The following ABCD2 variants were observed in gnomAD, a reference collection of about 807,000 sequenced individuals.
The protein encoded by ABCD2 is ATP-binding cassette sub-family D member 2.
ABCD2 carries 36 observed loss-of-function variants against 70.9 expected under a neutral mutation model. That is an observed-to-expected ratio of 0.51 (90% confidence interval 0.39 to 0.67). The LOEUF is 0.67. Ranked by LOEUF, ABCD2 falls within the 30% of genes least tolerant of loss-of-function variation. The probability of loss-of-function intolerance (pLI) is 0.00; values close to 1 mark genes in which losing one functional copy is unlikely to be tolerated. For synonymous variants in ABCD2, 304 were observed against 306.9 expected (o/e 0.99, Z 0.10); for missense variants, 729 against 890.2 (o/e 0.82, Z 2.30).
rs2120505167 is a variant in ABCD2, at chr12:39,551,543, T to C, written c.*2369A>G. Reference sequence around the variant, plus strand: ...AAATACAAGTTCAAATCAGAGATGTTTTCCCTTCCAAGTTAAGGATGTTGG... The same window carrying C: ...AAATACAAGTTCAAATCAGAGATGTCTTCCCTTCCAAGTTAAGGATGTTGG... On this transcript the variant is annotated 3_prime_UTR_variant, in exon 10 of 10. Transcript: ENST00000308666. 1 of 151,894 alleles carries C rather than the reference T, an allele frequency of 6.6e-6. No individual in the cohort carries two copies. Among genetic ancestry groups the C allele is most frequent in the Non-Finnish European group, 1.5e-5 (1 of 67,698 alleles). 9.4% of individuals were successfully genotyped at this position (151,894 alleles called of 1,614,324 possible).
intron 9 of ABCD2, among the ~76,000 whole-genome samples, chr12:39,560,601 G>GT (rs895483399): frequency 1.3e-5 from 2 of 151,852 alleles, no homozygotes; most frequent in African/African-American, 4.8e-5. Context: ...TAAAGGTTGT[G>GT]TTTTTTTGCA....
chr12:39,586,327 A>G (rs1236549431), intron 6 of ABCD2, 30 bp from the exon 7 acceptor site: 1 of 1,596,926 alleles, frequency 6.3e-7, no homozygotes, highest in Non-Finnish European at 8.5e-7. Context: ...CAAGAATCCT[A>G]GTGGAAAGTC....
chr12:39,569,600 T>G (rs1282378735), intron 9 of ABCD2, among the ~76,000 whole-genome samples: 1 of 152,164 alleles, frequency 6.6e-6, no homozygotes, highest in Non-Finnish European at 1.5e-5. Context: ...TCGCCCTGCT[T>G]CGCCTCACGC....
rs528216912 is a variant in ABCD2 at position 39,559,632 on chromosome 12, GA to G, written c.2004-5502del. Among the ~76,000 whole-genome samples, 1,053 of 150,146 alleles carry G rather than the reference GA, an allele frequency of 7.0e-3. 7 individuals carry two copies. Among genetic ancestry groups the G allele is most frequent in the South Asian group, 0.025 (119 of 4,724 alleles). ...GACAAAGAGAGAAACCTGAAAGCAAGAAAAAAAAATAACACATAAGGGAGTT... is the reference window on the plus strand; with the variant it reads ...GACAAAGAGAGAAACCTGAAAGCAAGAAAAAAAATAACACATAAGGGAGTT... On this transcript the variant is annotated intron_variant, in intron 9 of 9. Transcript: ENST00000308666.
intron 9 of ABCD2, among the ~76,000 whole-genome samples, chr12:39,561,911 C>T (rs1941265741): frequency 6.6e-6 from 1 of 152,146 alleles, no homozygotes; most frequent in Non-Finnish European, 1.5e-5. Flanking sequence ...ACACATGGAA[C>T]ATTCTCCAGG....
At chr12:39,558,237 C>A (rs1456959785) in intron 9 of ABCD2, among the ~76,000 whole-genome samples, 1 of 152,186 alleles carries the variant, frequency 6.6e-6, no homozygotes, top group Non-Finnish European at 1.5e-5. Flanking sequence ...GGGCCTATAG[C>A]CCCTTCTTTT....
At chr12:39,577,835 TAAATC>T (rs763296798) in intron 8 of ABCD2, among the ~76,000 whole-genome samples, 3 of 152,186 alleles carry the variant, frequency 2.0e-5, no homozygotes, top group Non-Finnish European at 2.9e-5. Flanking sequence ...AATGAGTAGA[TAAATC>T]AAGTGTAACG....
chr12:39,542,019 G>T, the ABCD2 span, among the ~76,000 whole-genome samples: 4 of 152,226 alleles, frequency 2.6e-5, no homozygotes, highest in African/African-American at 7.2e-5. Flanking sequence ...AAGCAGCATA[G>T]GGTGGGCCTC....
At chr12:39,564,499 G>C (rs1293646977) in intron 9 of ABCD2, among the ~76,000 whole-genome samples, 4 of 152,066 alleles carry the variant, frequency 2.6e-5, no homozygotes, top group African/African-American at 9.7e-5. Flanking sequence ...TTGTAAATTT[G>C]TTGGAGTTCA....
chr12:39,596,922 T>A (rs1272882928), intron 6 of ABCD2, among the ~76,000 whole-genome samples: 1 of 152,150 alleles, frequency 6.6e-6, no homozygotes, highest in Non-Finnish European at 1.5e-5. Context: ...CTTTAAATCA[T>A]CTTTAGATTA....
rs776622197 is a variant in ABCD2, at chr12:39,573,782, T to A, written c.1937A>T (p.Lys646Met). The change falls in exon 9 of 10, where the codon AAG (lysine) becomes ATG (methionine). Residue 646 changes from lysine (K) to methionine (M), a missense_variant. Physicochemically the swap from Lys to Met is moderately conservative, Grantham distance 95. This residue lies in a region of ABCD2 where 289 missense variants were observed against 328.8 expected (regional missense o/e 0.88). Transcript: ENST00000308666. ...TSAVSIDVEG[K>M]IFQAAKGAGI... ...AGCCCCTTTTGCAGCCTGAAATATC[T>A]TTCCTTCGACATCAATGCTGACAGC... The A allele has an allele frequency of 6.2e-7, 1 of 1,613,434 alleles. No individual in the cohort carries two copies. Among genetic ancestry groups the A allele is most frequent in the Admixed American group, 1.7e-5 (1 of 60,024 alleles).
At chr12:39,601,174 T>C (rs1004975696) in intron 5 of ABCD2, among the ~76,000 whole-genome samples, 4 of 152,182 alleles carry the variant, frequency 2.6e-5, no homozygotes, top group African/African-American at 9.6e-5. Context: ...AGCTGGGCTG[T>C]TTAATTTTAC....
chr12:39,591,311 T>C (rs185177433), intron 6 of ABCD2, among the ~76,000 whole-genome samples: 2 of 152,258 alleles, frequency 1.3e-5, no homozygotes, highest in East Asian at 3.9e-4. Context: ...AAAATAGATA[T>C]TTACTATTAC....
intron 6 of ABCD2, among the ~76,000 whole-genome samples, chr12:39,586,993 A>C (rs1234998051): frequency 6.6e-6 from 1 of 152,184 alleles, no homozygotes; most frequent in African/African-American, 2.4e-5. Context: ...GAAAATGCAG[A>C]ATGGTACAAC....
intron 6 of ABCD2, among the ~76,000 whole-genome samples, chr12:39,587,303 A>C (rs1234462061): frequency 2.0e-5 from 3 of 152,200 alleles, no homozygotes; most frequent in African/African-American, 2.4e-5. Context: ...GCAAAATGCA[A>C]AAGTAGACTT....
Position 39,618,665 on chromosome 12 carries a change from T to C in ABCD2, c.939+12A>G, listed in dbSNP as rs745577275. On this transcript the variant is annotated intron_variant, in intron 1 of 9. Transcript: ENST00000308666. ...TTTCACATTTCACCCATCACCTTAA[T>C]TTCTATCTTACCTTATGTCCTCTGT... 6.9e-6 allele frequency: 11 copies of C among 1,602,408 alleles called. No individual in the cohort carries two copies. The Admixed American group carries it at 1.9e-4, about 27-fold the overall frequency.
intron 8 of ABCD2, among the ~76,000 whole-genome samples, chr12:39,575,108 A>T (rs1476738514): frequency 2.0e-5 from 3 of 152,206 alleles, no homozygotes; most frequent in African/African-American, 7.2e-5. Context: ...AGTGAACAAG[A>T]GGAAGAAGTA....
downstream of ABCD2, among the ~76,000 whole-genome samples, chr12:39,548,845 A>G (rs140514073): frequency 6.8e-4 from 103 of 152,096 alleles, 2 homozygotes; most frequent in African/African-American, 2.4e-3. Context: ...ATATTAAATC[A>G]CATAAAAACT....
In ABCD2 at chr12:39,553,919, G is replaced by A. The variant is rs1456200979; in HGVS notation, c.2216C>T (p.Thr739Ile). Residue 739 changes from threonine to isoleucine, a missense_variant, in exon 10 of 10, where the codon ACA (threonine) becomes ATA (isoleucine). Around this residue, in one of 3 missense-constraint regions of ABCD2, gnomAD observed 289 missense variants for 328.8 expected, o/e 0.88. Coordinates refer to ENST00000308666, the MANE Select transcript of ABCD2 (RefSeq NM_005164.4). ...AAAATATGTCAAAACAAATTAAGAT[G>A]TCTCATCTTCATTTTTAATTGTTTT... ...VLKTIKNEDE[T>I]S 5 of 1,605,012 alleles carry A rather than the reference G, an allele frequency of 3.1e-6. No homozygotes were observed. The African/African-American group carries it at 5.4e-5, about 17-fold the overall frequency.
Sources: allele counts gnomAD v4.1 joint callset (sites outside exome capture counted in the v4.1 genomes callset), GRCh38; gene constraint gnomAD v4.1.1; regional missense constraint gnomAD v4.1.1; transcripts MANE v1.5; gene names NCBI Gene and HGNC (gene_info 2026-07-23, HGNC 2026-07-21).